ADORA2B: variants seen among roughly 807,000 people sequenced by gnomAD.
ADORA2B encodes the protein adenosine receptor A2b.
ADORA2B carries 18 observed loss-of-function variants against 20.8 expected under a neutral mutation model. The observed-to-expected ratio is 0.87, with a 90% confidence interval of 0.60 to 1.29. The LOEUF (loss-of-function observed/expected upper bound fraction) is 1.29. Among genes scored for constraint, ADORA2B ranks in the 50% most tolerant of loss-of-function variants. ADORA2B has a pLI of 0.00. For synonymous variants in ADORA2B, 179 were observed against 178.3 expected, an observed-to-expected ratio of 1.00 and a Z score of -0.03; for missense variants, 441 against 422.7, an observed-to-expected ratio of 1.04 and a Z score of -0.38.
chr17:15,957,957 T>G lies in ADORA2B; in HGVS notation c.335+12374T>G, dbSNP rs558192510. ...GTTTGTTTGTTTTGTTTTTTAAACA[T>G]AGAGAACTACAAAGCTTTATTGAAC... On this transcript the variant is annotated intron_variant, in intron 1 of 1. Coordinates refer to ENST00000304222, the MANE Select transcript of ADORA2B (RefSeq NM_000676.4). Among the ~76,000 whole-genome samples the G allele has an allele frequency of 3.3e-5, 5 of 152,134 alleles. No individual in the cohort carries two copies. In the South Asian group the frequency reaches 1.0e-3, roughly 32 times the overall value.
the ADORA2B span, among the ~76,000 whole-genome samples, chr17:15,916,090 G>T: frequency 2.6e-5 from 4 of 152,228 alleles, no homozygotes; most frequent in Non-Finnish European, 4.4e-5. Context: ...CAGCTGGGGT[G>T]GGGGGGTCAC....
the ADORA2B span, among the ~76,000 whole-genome samples, chr17:15,899,038 T>C: frequency 6.6e-6 from 1 of 152,052 alleles, no homozygotes; most frequent in Non-Finnish European, 1.5e-5. Context: ...TAGACCAGCC[T>C]GGCCAACATG....
At chr17:15,919,353 G>A in the ADORA2B span, among the ~76,000 whole-genome samples, 1 of 152,090 alleles carries the variant, frequency 6.6e-6, no homozygotes, top group Non-Finnish European at 1.5e-5. Context: ...TCCTCTACCT[G>A]CCAGCTTCTA....
At chr17:15,972,042 G>A (rs756328729) in intron 1 of ADORA2B, among the ~76,000 whole-genome samples, 1 of 152,188 alleles carries the variant, frequency 6.6e-6, no homozygotes, top group Non-Finnish European at 1.5e-5. Context: ...CATTCCAGTT[G>A]AGGGATACCA....
At chr17:15,945,686 A>G (rs1969794630) in intron 1 of ADORA2B, 103 bp downstream of exon 1, 1 of 1,143,946 alleles carries the variant, frequency 8.7e-7, no homozygotes, top group Admixed American at 2.9e-5. Context: ...CAGACGGGCC[A>G]GGCTGGGGGC....
chr17:15,966,886 C>G (rs761928164), intron 1 of ADORA2B, among the ~76,000 whole-genome samples: 22 of 152,238 alleles, frequency 1.4e-4, no homozygotes, highest in Non-Finnish European at 2.8e-4. Context: ...TCCTGCTTCC[C>G]TGGCCTCACT....
chr17:15,885,772 A>C, the ADORA2B span, among the ~76,000 whole-genome samples: 4 of 152,200 alleles, frequency 2.6e-5, no homozygotes, highest in Non-Finnish European at 4.4e-5. Context: ...AACAGTTTTC[A>C]TAACTGTTTA....
the ADORA2B span, among the ~76,000 whole-genome samples, chr17:15,899,842 T>C: frequency 8.5e-5 from 13 of 152,052 alleles, no homozygotes; most frequent in Middle Eastern, 6.8e-3. Context: ...TTTTTTCTTT[T>C]TTTTTTTTGA....
chr17:15,931,975 G>A, the ADORA2B span, among the ~76,000 whole-genome samples: 3 of 151,764 alleles, frequency 2.0e-5, no homozygotes, highest in East Asian at 1.9e-4. Context: ...CAGGTGATCC[G>A]CCCGCCTCAG....
chr17:15,854,926 CTTT>C, the ADORA2B span, among the ~76,000 whole-genome samples: 8 of 140,858 alleles, frequency 5.7e-5, no homozygotes, highest in Middle Eastern at 3.5e-3. Context: ...GGATTTAACT[CTTT>C]TTTTTTTTTT....
At chr17:15,943,539 G>A (rs1276999020), upstream of ADORA2B, among the ~76,000 whole-genome samples, 1 of 152,160 alleles carries the variant, frequency 6.6e-6, no homozygotes, top group East Asian at 1.9e-4. Flanking sequence ...CCCTACATTG[G>A]CCAGGCTGGT....
At chr17:15,958,006 C>T (rs906077279) in intron 1 of ADORA2B, among the ~76,000 whole-genome samples, 9 of 150,970 alleles carry the variant, frequency 6.0e-5, no homozygotes. Context: ...CAGGACCTGT[C>T]AGGTACACTT....
At chr17:15,913,627 A>C in the ADORA2B span, among the ~76,000 whole-genome samples, 1 of 152,166 alleles carries the variant, frequency 6.6e-6, no homozygotes, top group Admixed American at 6.5e-5. Flanking sequence ...AACCTTCCAA[A>C]CTCATTAAAT....
chr17:15,963,667 C>G (rs1187826881), intron 1 of ADORA2B, among the ~76,000 whole-genome samples: 1 of 152,196 alleles, frequency 6.6e-6, no homozygotes. Context: ...ACATGAGAAT[C>G]ACCAGGCCCA....
chr17:15,961,974 A>T (rs1274844962), intron 1 of ADORA2B, among the ~76,000 whole-genome samples: 1 of 152,214 alleles, frequency 6.6e-6, no homozygotes, highest in African/African-American at 2.4e-5. Flanking sequence ...TTCGGGGGGC[A>T]CATTCAAATC....
chr17:15,857,330 T>A, the ADORA2B span, among the ~76,000 whole-genome samples: 6 of 152,122 alleles, frequency 3.9e-5, no homozygotes, highest in African/African-American at 9.7e-5. Context: ...CTCATGGAGA[T>A]CCCCTGCTAG....
At chr17:15,893,088 T>G in the ADORA2B span, among the ~76,000 whole-genome samples, 1 of 152,234 alleles carries the variant, frequency 6.6e-6, no homozygotes, top group Non-Finnish European at 1.5e-5. Context: ...TACCTTCCCA[T>G]GTGCAATTCA....
chr17:15,896,658 G>C, the ADORA2B span, among the ~76,000 whole-genome samples: 1 of 152,196 alleles, frequency 6.6e-6, no homozygotes, highest in African/African-American at 2.4e-5. Context: ...GTTTTAATCA[G>C]GGCCCCAGAG....
At chr17:15,912,716 C>T in the ADORA2B span, among the ~76,000 whole-genome samples, 6 of 152,228 alleles carry the variant, frequency 3.9e-5, no homozygotes, top group African/African-American at 1.4e-4. Flanking sequence ...TGAACACATG[C>T]ACACAAACAC....
Sources: allele counts gnomAD v4.1 joint callset (sites outside exome capture counted in the v4.1 genomes callset), GRCh38; gene constraint gnomAD v4.1.1; transcripts MANE v1.5; gene names NCBI Gene and HGNC (gene_info 2026-07-23, HGNC 2026-07-21).